Variants in XYLT1 observed in about 807,000 individuals in gnomAD.
XYLT1 encodes the protein beta-D-xylosyltransferase 1.
In XYLT1, 36 loss-of-function variants were observed where a neutral mutation model predicts 91.3. That is an observed-to-expected ratio of 0.39 (90% confidence interval 0.30 to 0.52). The LOEUF (loss-of-function observed/expected upper bound fraction) is 0.52, where lower values mean the gene tolerates loss of function less well. Ranked by LOEUF, XYLT1 falls within the 20% of genes least tolerant of loss-of-function variation. XYLT1 has a pLI of 0.68. For missense variants in XYLT1, 1,242 were observed against 1,284.5 expected (o/e 0.97, Z 0.51); for synonymous variants, 588 against 532.0 (o/e 1.11, Z -1.45).
chr16:17,172,123 A>C (rs1189555794), intron 5 of XYLT1, among the ~76,000 whole-genome samples: 2 of 152,210 alleles, frequency 1.3e-5, no homozygotes, highest in Admixed American at 6.5e-5. Flanking sequence ...GTGTACAGTA[A>C]ATACTTAGTA....
intron 2 of XYLT1, among the ~76,000 whole-genome samples, chr16:17,306,221 T>C (rs1567366233): frequency 6.6e-6 from 1 of 151,794 alleles, no homozygotes; most frequent in Non-Finnish European, 1.5e-5. Context: ...ATATAAGCGG[T>C]TGGGAGAGGG....
chr16:17,121,158 T>C (rs2030042059), intron 10 of XYLT1, among the ~76,000 whole-genome samples: 2 of 152,058 alleles, frequency 1.3e-5, no homozygotes, highest in African/African-American at 4.8e-5. Context: ...TACTTTAGGG[T>C]CATATTTAAG....
At chr16:17,301,996 G>A (rs907662463) in intron 2 of XYLT1, among the ~76,000 whole-genome samples, 2 of 152,148 alleles carry the variant, frequency 1.3e-5, no homozygotes, top group African/African-American at 2.4e-5. Flanking sequence ...CGGATCATTT[G>A]AGGTCAGAAG....
chr16:17,184,115 A>G (rs1270682036), intron 5 of XYLT1, among the ~76,000 whole-genome samples: 1 of 150,258 alleles, frequency 6.7e-6, no homozygotes, highest in African/African-American at 2.5e-5. Context: ...CCCAGGATGC[A>G]CTTGGAGCAT....
intron 2 of XYLT1, among the ~76,000 whole-genome samples, chr16:17,302,632 AG>A (rs2034413345): frequency 6.6e-6 from 1 of 152,212 alleles, no homozygotes; most frequent in Admixed American, 6.5e-5. Flanking sequence ...TCCAGCTCCA[AG>A]GTATGATGGT....
At chr16:17,400,985 TACACACACACAC>T (rs71373111) in intron 1 of XYLT1, among the ~76,000 whole-genome samples, 1 of 148,680 alleles carries the variant, frequency 6.7e-6, no homozygotes, top group Non-Finnish European at 1.5e-5. Context: ...CTCTCTTTCA[TACACACACACAC>T]ACACACACAC....
chr16:17,344,492 CA>C (rs199791926), intron 2 of XYLT1, among the ~76,000 whole-genome samples: 1,780 of 100,812 alleles, frequency 0.018, 26 homozygotes, highest in African/African-American at 0.06. Flanking sequence ...GACTCCATCT[CA>C]AAAAAAAAAA....
chr16:17,282,902 T>C (rs1480150900), intron 2 of XYLT1, among the ~76,000 whole-genome samples: 1 of 152,166 alleles, frequency 6.6e-6, no homozygotes, highest in Non-Finnish European at 1.5e-5. Context: ...TCCTTAGATA[T>C]AGCTACTATT....
At chr16:17,313,266 A>C (rs983959258) in intron 2 of XYLT1, among the ~76,000 whole-genome samples, 3 of 152,190 alleles carry the variant, frequency 2.0e-5, no homozygotes, top group African/African-American at 7.2e-5. Flanking sequence ...GGAAGCAGGA[A>C]GCTGGGCTGC....
chr16:17,327,349 CTT>C (rs2034821156), intron 2 of XYLT1, among the ~76,000 whole-genome samples: 3 of 139,224 alleles, frequency 2.2e-5, no homozygotes, highest in African/African-American at 8.6e-5. Flanking sequence ...ACTTCCTTTT[CTT>C]TTCTTTTTTC....
chr16:17,288,843 C>A (rs1238683810), intron 2 of XYLT1, among the ~76,000 whole-genome samples: 1 of 152,212 alleles, frequency 6.6e-6, no homozygotes, highest in Non-Finnish European at 1.5e-5. Flanking sequence ...GAAGAACCAT[C>A]TAGCTCACCC....
rs139063534 is a variant in XYLT1, at chr16:17,385,003, G to A, written c.364-26953C>T. ...TTAGTGCTGTCCTATTCCCAGCATC[G>A]GGCCTGGAGGAATTCCTGATTTTAG... On this transcript the variant is annotated intron_variant, in intron 1 of 11. Transcript: ENST00000261381. Among the ~76,000 whole-genome samples the A allele has an allele frequency of 4.3e-4, 65 of 151,802 alleles. 4 individuals are homozygous for A. In the East Asian group the frequency reaches 0.011, roughly 27 times the overall value.
At chr16:17,128,069 G>A (rs1172782561) in intron 9 of XYLT1, among the ~76,000 whole-genome samples, 2 of 152,110 alleles carry the variant, frequency 1.3e-5, no homozygotes, top group Non-Finnish European at 2.9e-5. Flanking sequence ...GCTGACTGTA[G>A]GAAAGTACAA....
chr16:17,138,668 C>T (rs1022541435), intron 7 of XYLT1, 137 bp from the exon 8 acceptor site: 6 of 1,020,030 alleles, frequency 5.9e-6, no homozygotes, highest in Admixed American at 5.1e-5. Flanking sequence ...TCATCAGAAG[C>T]TGGGCGGCTT....
intron 5 of XYLT1, among the ~76,000 whole-genome samples, chr16:17,182,464 C>G (rs1028920213): frequency 1.3e-5 from 2 of 152,080 alleles, no homozygotes; most frequent in Admixed American, 6.5e-5. Context: ...CTCATTTTAC[C>G]TTAAGTACCT....
At chr16:17,121,399 A>G (rs1335865912) in intron 10 of XYLT1, among the ~76,000 whole-genome samples, 1 of 152,124 alleles carries the variant, frequency 6.6e-6, no homozygotes, top group African/African-American at 2.4e-5. Flanking sequence ...CTGCTGTCAC[A>G]TCCTCCAAGA....
intron 1 of XYLT1, among the ~76,000 whole-genome samples, chr16:17,434,807 A>G (rs1238445057): frequency 6.6e-6 from 1 of 152,046 alleles, no homozygotes; most frequent in Non-Finnish European, 1.5e-5. Flanking sequence ...GTTCAGGGCT[A>G]TAGTGAGCTA....
chr16:17,220,920 T>C (rs2032955990), intron 3 of XYLT1, among the ~76,000 whole-genome samples: 1 of 152,174 alleles, frequency 6.6e-6, no homozygotes, highest in Non-Finnish European at 1.5e-5. Flanking sequence ...CAACAGATTG[T>C]GTAGTATTGG....
intron 3 of XYLT1, among the ~76,000 whole-genome samples, chr16:17,216,884 C>T (rs566950217): frequency 6.6e-6 from 1 of 152,194 alleles, no homozygotes; most frequent in Non-Finnish European, 1.5e-5. Flanking sequence ...AAGCCTACTG[C>T]TAATGAAATC....
Sources: gnomAD v4.1 joint callset for allele counts (sites outside exome capture counted in the v4.1 genomes callset) on GRCh38, gnomAD v4.1.1 for gene constraint, MANE v1.5 for transcripts, NCBI Gene and HGNC (gene_info 2026-07-23, HGNC 2026-07-21) for gene names.